The following CDH9 variants were observed in gnomAD, a reference collection of about 807,000 sequenced individuals.
The protein encoded by CDH9 is cadherin-9.
A neutral mutation model predicts 70.9 loss-of-function variants in CDH9; 28 were observed. The ratio of observed to expected loss-of-function variants is 0.40; its 90% CI spans 0.29 to 0.54. The LOEUF (loss-of-function observed/expected upper bound fraction) is 0.54, where lower values mean the gene tolerates loss of function less well. Ranked by LOEUF, CDH9 falls within the 20% of genes least tolerant of loss-of-function variation. CDH9 has a pLI of 0.59. For synonymous variants in CDH9, 409 were observed against 343.1 expected, an observed-to-expected ratio of 1.19 and a Z score of -2.12; for missense variants, 874 against 984.4, an observed-to-expected ratio of 0.89 and a Z score of 1.50.
At chr5:27,005,395 C>T (rs373501613) in intron 1 of CDH9, among the ~76,000 whole-genome samples, 4 of 152,026 alleles carry the variant, frequency 2.6e-5, no homozygotes, top group Admixed American at 6.6e-5. Flanking sequence ...GACATACATG[C>T]GGCCAACAGC....
chr5:26,926,901 G>T (rs1579455659), intron 2 of CDH9, among the ~76,000 whole-genome samples: 1 of 145,354 alleles, frequency 6.9e-6, no homozygotes, highest in Admixed American at 7.1e-5. Context: ...TGATACCATA[G>T]TCAGGCAAAA....
chr5:26,999,832 A>G (rs1439471969), intron 1 of CDH9, among the ~76,000 whole-genome samples: 1 of 152,188 alleles, frequency 6.6e-6, no homozygotes, highest in Non-Finnish European at 1.5e-5. Flanking sequence ...TTGTCTTCCC[A>G]GAAAACAAAT....
At chr5:26,992,085 G>A (rs1183514633) in intron 1 of CDH9, among the ~76,000 whole-genome samples, 6 of 152,098 alleles carry the variant, frequency 3.9e-5, no homozygotes, top group Non-Finnish European at 8.8e-5. Context: ...CTCATAAGCA[G>A]CACGCAACCT....
intron 2 of CDH9, among the ~76,000 whole-genome samples, chr5:26,983,431 G>T (rs1419092549): frequency 6.6e-6 from 1 of 152,164 alleles, no homozygotes; most frequent in South Asian, 2.1e-4. Context: ...TCAAGGAAAA[G>T]ATAAGTTTAG....
intron 2 of CDH9, among the ~76,000 whole-genome samples, chr5:26,963,577 C>T (rs561197463): frequency 1.3e-5 from 2 of 151,882 alleles, no homozygotes; most frequent in Non-Finnish European, 2.9e-5. Flanking sequence ...CCACCATTGA[C>T]CTTCTTTCAA....
rs998778600 is a variant in CDH9, at chr5:26,909,767, C to A, written c.524-2929G>T. Among the ~76,000 whole-genome samples, 4 of 151,598 alleles carry A rather than the reference C, an allele frequency of 2.6e-5. No homozygotes were observed. The South Asian group carries it at 8.3e-4, about 32-fold the overall frequency. On this transcript the variant is annotated intron_variant, in intron 3 of 11. Coordinates refer to ENST00000231021, the MANE Select transcript of CDH9 (RefSeq NM_016279.4). ...AAGAAGTTTACTGTAATTCTTAACTCATTATTTACTTAACTGTATAACTAA... is the reference window on the plus strand; with the variant it reads ...AAGAAGTTTACTGTAATTCTTAACTAATTATTTACTTAACTGTATAACTAA...
chr5:27,027,604 A>G (rs879710906), intron 1 of CDH9, among the ~76,000 whole-genome samples: 1 of 152,104 alleles, frequency 6.6e-6, no homozygotes, highest in Non-Finnish European at 1.5e-5. Flanking sequence ...AGTATAGAGT[A>G]TAACTAATTT....
chr5:26,902,957 C>A, intron 6 of CDH9: 1 of 407,270 alleles, frequency 2.5e-6, no homozygotes, highest in East Asian at 4.1e-5. Flanking sequence ...GATTGATTCT[C>A]ACTTAGTAAT....
At chr5:26,953,883 C>T (rs767152809) in intron 2 of CDH9, among the ~76,000 whole-genome samples, 1 of 152,112 alleles carries the variant, frequency 6.6e-6, no homozygotes, top group Non-Finnish European at 1.5e-5. Context: ...AAATATGAAT[C>T]AGTTTTTAGA....
chr5:26,973,981 A>T (rs1742263409), intron 2 of CDH9, among the ~76,000 whole-genome samples: 1 of 152,198 alleles, frequency 6.6e-6, no homozygotes, highest in Admixed American at 6.5e-5. Flanking sequence ...GTGATGGCTC[A>T]CGTCTGTAAT....
chr5:26,898,157 C>T (rs1437300850), intron 7 of CDH9, among the ~76,000 whole-genome samples: 4 of 152,036 alleles, frequency 2.6e-5, no homozygotes, highest in Admixed American at 2.6e-4. Context: ...CAAATCACTG[C>T]TCAAAGAAAT....
At chr5:26,936,813 A>G (rs1396026814) in intron 2 of CDH9, among the ~76,000 whole-genome samples, 2 of 151,994 alleles carry the variant, frequency 1.3e-5, no homozygotes, top group African/African-American at 4.8e-5. Flanking sequence ...GACACTGGGC[A>G]TCTGCATTGA....
rs36027792 is a variant in CDH9 at position 26,940,162 on chromosome 5, C to CAAA, written c.229-24241_229-24239dup. Among the ~76,000 whole-genome samples, 838 of 136,200 alleles carry CAAA rather than the reference C, an allele frequency of 6.2e-3. 5 individuals carry two copies. The highest frequency in any genetic ancestry group is 8.4e-3 in the African/African-American group (284 of 33,610). The allele number at this position is 136,200 out of a possible 152,430, so 89.4% of individuals were successfully genotyped here. On this transcript the variant is annotated intron_variant, in intron 2 of 11. Coordinates refer to ENST00000231021, the MANE Select transcript of CDH9 (RefSeq NM_016279.4). ...TGGGTGACAGAGCGAGACTCAGTTG[C>CAAA]AAAAAAAAAAAAAGAAAGGAGATTT...
chr5:26,981,928 C>A (rs1742406475), intron 2 of CDH9, among the ~76,000 whole-genome samples: 1 of 151,734 alleles, frequency 6.6e-6, no homozygotes, highest in Non-Finnish European at 1.5e-5. Context: ...GGAGCACATA[C>A]TGCTTTCATA....
At chr5:27,013,164 C>T (rs1742987073) in intron 1 of CDH9, among the ~76,000 whole-genome samples, 1 of 151,832 alleles carries the variant, frequency 6.6e-6, no homozygotes, top group Admixed American at 6.6e-5. Context: ...TGGTCATATC[C>T]TAGGAATACA....
rs547401195 is a variant in CDH9 at position 26,913,812 on chromosome 5, T to C, written c.523+1818A>G. On this transcript the variant is annotated intron_variant, in intron 3 of 11. Coordinates refer to ENST00000231021, the MANE Select transcript of CDH9 (RefSeq NM_016279.4). ...GTGTGTGCATATTTCAGTTCTGATA[T>C]TGTTACTCAACAAATATTAATAGAA... Among the ~76,000 whole-genome samples, 61 of 151,696 alleles carry C rather than the reference T, an allele frequency of 4.0e-4. 2 individuals carry two copies. The highest frequency in any genetic ancestry group is 1.5e-3 in the African/African-American group (60 of 41,360).
chr5:27,002,659 C>G (rs1056538504), intron 1 of CDH9, among the ~76,000 whole-genome samples: 29 of 152,066 alleles, frequency 1.9e-4, no homozygotes, highest in African/African-American at 6.5e-4. Context: ...TCTCAGCAAA[C>G]TAACGCAAGG....
intron 2 of CDH9, among the ~76,000 whole-genome samples, chr5:26,916,824 C>T (rs577994133): frequency 3.9e-5 from 6 of 151,986 alleles, no homozygotes; most frequent in Admixed American, 2.0e-4. Context: ...TCTTCAACCA[C>T]GATGTTCTCA....
intron 2 of CDH9, among the ~76,000 whole-genome samples, chr5:26,964,579 G>A (rs1357020333): frequency 1.1e-4 from 16 of 152,086 alleles, no homozygotes; most frequent in Admixed American, 9.8e-4. Context: ...GACTTAGCAC[G>A]CAGTTTCATC....
Sources: gnomAD v4.1 joint callset for allele counts (sites outside exome capture counted in the v4.1 genomes callset) on GRCh38, gnomAD v4.1.1 for gene constraint, MANE v1.5 for transcripts, NCBI Gene and HGNC (gene_info 2026-07-23, HGNC 2026-07-21) for gene names.